PCLO: variants seen among roughly 807,000 people sequenced by gnomAD.
The protein encoded by PCLO is piccolo presynaptic cytomatrix protein.
A neutral mutation model predicts 427.5 loss-of-function variants in PCLO; 82 were observed. The ratio of observed to expected loss-of-function variants is 0.19; its 90% confidence interval spans 0.16 to 0.23. PCLO has a LOEUF of 0.23. Ranked by LOEUF, PCLO falls within the 10% of genes least tolerant of loss-of-function variation. The pLI is 1.00. For missense variants in PCLO, 6,239 were observed against 6,115.9 expected, an observed-to-expected ratio of 1.02 and a Z score of -0.67; for synonymous variants, 2,357 against 2,155.4, an observed-to-expected ratio of 1.09 and a Z score of -2.59.
intron 4 of PCLO, among the ~76,000 whole-genome samples, chr7:82,963,865 T>A (rs1460572869): frequency 6.6e-6 from 1 of 151,954 alleles, no homozygotes; most frequent in Non-Finnish European, 1.5e-5. Flanking sequence ...TATAAATACA[T>A]ATACACATAT....
intron 3 of PCLO, among the ~76,000 whole-genome samples, chr7:83,069,293 C>T (rs1386741109): frequency 2.0e-5 from 3 of 152,064 alleles, no homozygotes; most frequent in African/African-American, 4.8e-5. Context: ...GCAGGTTTTG[C>T]ATCCTGTGAA....
chr7:82,820,972 T>C, intron 20 of PCLO: 4 of 1,228,380 alleles, frequency 3.3e-6, no homozygotes, highest in Non-Finnish European at 4.1e-6. Flanking sequence ...GATGATGAAG[T>C]CCTGAAATGC....
At chr7:83,159,134 A>G (rs1000539341) in intron 1 of PCLO, among the ~76,000 whole-genome samples, 1 of 152,102 alleles carries the variant, frequency 6.6e-6, no homozygotes, top group Non-Finnish European at 1.5e-5. Context: ...TAAGTGGATG[A>G]TTAACAATGA....
At chr7:83,083,808 A>T (rs1790162811) in intron 3 of PCLO, among the ~76,000 whole-genome samples, 1 of 152,164 alleles carries the variant, frequency 6.6e-6, no homozygotes, top group African/African-American at 2.4e-5. Flanking sequence ...CTATTGGAAC[A>T]GATTCTTGAA....
intron 3 of PCLO, among the ~76,000 whole-genome samples, chr7:83,116,929 G>C (rs1250688692): frequency 6.6e-6 from 1 of 152,084 alleles, no homozygotes; most frequent in African/African-American, 2.4e-5. Context: ...CCAATATATG[G>C]AATCAACCTG....
At chr7:83,110,020 A>T (rs1420330643) in intron 3 of PCLO, among the ~76,000 whole-genome samples, 1 of 151,680 alleles carries the variant, frequency 6.6e-6, no homozygotes, top group Non-Finnish European at 1.5e-5. Flanking sequence ...TTCCTCATCT[A>T]TAAAATGAGG....
intron 22 of PCLO, among the ~76,000 whole-genome samples, chr7:82,772,430 G>A (rs377416145): frequency 2.0e-5 from 3 of 152,100 alleles, no homozygotes; most frequent in South Asian, 2.1e-4. Flanking sequence ...TCATGTTTTA[G>A]GGCTAAGTGG....
chr7:82,962,827 AG>A (rs1263132847), intron 4 of PCLO, among the ~76,000 whole-genome samples: 1 of 152,018 alleles, frequency 6.6e-6, no homozygotes, highest in East Asian at 1.9e-4. Context: ...GACTGCCTCA[AG>A]ATATTACTGA....
At chr7:83,081,148 A>C (rs891479408) in intron 3 of PCLO, among the ~76,000 whole-genome samples, 2 of 152,016 alleles carry the variant, frequency 1.3e-5, no homozygotes, top group African/African-American at 4.8e-5. Flanking sequence ...AAAATAATTA[A>C]TGTATTTCCA....
intron 8 of PCLO, among the ~76,000 whole-genome samples, chr7:82,907,426 T>G (rs116548866): frequency 0.01 from 1,545 of 152,104 alleles, 28 homozygotes; most frequent in African/African-American, 0.036. Flanking sequence ...TTTAAAGAAG[T>G]TATTTTTAAC....
In PCLO at chr7:83,154,991, C is replaced by G; in HGVS notation, c.1650G>C (p.Ser550=). The G allele has an allele frequency of 1.2e-6, 2 of 1,613,852 alleles. No homozygotes were observed. The highest frequency in any genetic ancestry group is 4.5e-5 in the East Asian group (2 of 44,860). ...TTACTGGTTTTGTAGATTGCTGAGC[C>G]GAGGGCTTTGCTGGGCTAGGCTGTT... is the stretch of plus-strand genomic sequence containing the variant. The part of the protein sequence containing the change: ...SAQQPSPAKP[S]AQQSTKPVSQ... Residue 550 remains serine, a synonymous_variant, in exon 2 of 25, where the codon TCG becomes TCC. Coordinates refer to ENST00000333891, the MANE Select transcript of PCLO (RefSeq NM_033026.6).
At chr7:83,057,317 C>CATATATATATATATATATATATATATAT (rs1236982874) in intron 3 of PCLO, among the ~76,000 whole-genome samples, 1 of 25,874 alleles carries the variant, frequency 3.9e-5, no homozygotes, top group Non-Finnish European at 6.2e-5. Flanking sequence ...ATTATATATA[C>CATATATATATATATATATATATATATAT]ATATATATAT....
chr7:82,950,290 T>A lies in PCLO; in HGVS notation c.10298A>T (p.Asp3433Val). ...CACTATCTTTTTAAAACTTCGGGGATCATCTGTCATATTTTCTCCCATGTC... is the reference window on the plus strand; with the variant it reads ...CACTATCTTTTTAAAACTTCGGGGAACATCTGTCATATTTTCTCCCATGTC... ...YDDMGENMTD[D>V]PRSFKKIVDS... The change falls in exon 6 of 25, where the codon GAT (aspartate) becomes GTT (valine). Residue 3433 changes from aspartate (D) to valine (V), a missense_variant. Physicochemically the swap from Asp to Val is radical, Grantham distance 152. Around this residue, in one of 5 missense-constraint regions of PCLO, gnomAD observed 4,677 missense variants for 4,468.4 expected, o/e 1.05. Transcript: ENST00000333891. 1 of 1,613,460 alleles carries A rather than the reference T, an allele frequency of 6.2e-7. No individual in the cohort carries two copies. Among genetic ancestry groups the A allele is most frequent in the South Asian group, 1.1e-5 (1 of 91,050 alleles).
intron 2 of PCLO, among the ~76,000 whole-genome samples, chr7:83,138,198 C>A (rs1411101130): frequency 6.6e-6 from 1 of 152,192 alleles, no homozygotes; most frequent in African/African-American, 2.4e-5. Flanking sequence ...TCTGTATCCA[C>A]ATTAACTAGT....
chr7:82,824,348 C>T lies in PCLO; in HGVS notation c.14484G>A (p.Gln4828=), dbSNP rs778663622. 24 of 1,612,912 alleles carry T rather than the reference C, an allele frequency of 1.5e-5. No homozygotes were observed. The highest frequency in any genetic ancestry group is 1.1e-5 in the Non-Finnish European group (13 of 1,179,432). The change falls in exon 19 of 25, where the codon CAG becomes CAA. Residue 4828 remains glutamine, a synonymous_variant. Transcript: ENST00000333891. ...ACTTGCCATGATCAATGCTTTCAGT[C>T]TGTTCTTTGAGAGGATACCACCTTG... The part of the protein sequence containing the change: ...NTPRWYPLKE[Q]TESIDHGKSH...
chr7:82,861,078 A>G (rs974819730), intron 10 of PCLO, among the ~76,000 whole-genome samples: 1 of 151,964 alleles, frequency 6.6e-6, no homozygotes. Flanking sequence ...AATAAACAAC[A>G]AAATGGCAGG....
chr7:82,915,539 GTAA>G lies in PCLO; in HGVS notation c.12444_12446del (p.Tyr4149del). The G allele has an allele frequency of 6.2e-7, 1 of 1,613,680 alleles. No individual in the cohort carries two copies. Among genetic ancestry groups the G allele is most frequent in the Non-Finnish European group, 8.5e-7 (1 of 1,179,708 alleles). On this transcript the variant is annotated inframe_deletion, in exon 7 of 25. Coordinates refer to ENST00000333891, the MANE Select transcript of PCLO (RefSeq NM_033026.6). ...AATGTCTGTAGCTAGTATCAGCATG[GTAA>G]TAATGAGAAAGACCAGCAAGGTGAT...
intron 3 of PCLO, among the ~76,000 whole-genome samples, chr7:83,055,017 T>C (rs1351809643): frequency 2.0e-5 from 3 of 152,136 alleles, no homozygotes; most frequent in African/African-American, 7.2e-5. Context: ...GCCATCCTAA[T>C]TGTAAACTCA....
intron 6 of PCLO, 34 bp from the exon 7 acceptor site, chr7:82,916,907 T>C (rs1178862179): frequency 2.1e-6 from 3 of 1,427,288 alleles, no homozygotes; most frequent in South Asian, 2.9e-5. Flanking sequence ...AGTACTTTAG[T>C]ATAAAGAAAA....
Sources: allele counts gnomAD v4.1 joint callset (sites outside exome capture counted in the v4.1 genomes callset), GRCh38; gene constraint gnomAD v4.1.1; regional missense constraint gnomAD v4.1.1; transcripts MANE v1.5; gene names NCBI Gene and HGNC (gene_info 2026-07-23, HGNC 2026-07-21).